CLCN3: variants seen among roughly 807,000 people sequenced by gnomAD.
The protein encoded by CLCN3 is H(+)/Cl(-) exchange transporter 3.
In CLCN3, 16 loss-of-function variants were observed where a neutral mutation model predicts 83.4. That is an observed-to-expected ratio of 0.19 (90% CI 0.13 to 0.29). CLCN3 has a LOEUF of 0.29. Ranked by LOEUF, CLCN3 falls within the 10% of genes least tolerant of loss-of-function variation. The pLI is 1.00. For synonymous variants in CLCN3, 322 were observed against 346.2 expected (o/e 0.93, Z 0.78); for missense variants, 544 against 1,006.0 (o/e 0.54, Z 6.21).
intron 11 of CLCN3, among the ~76,000 whole-genome samples, chr4:169,707,846 T>C (rs1733052843): frequency 1.3e-5 from 2 of 152,234 alleles, no homozygotes; most frequent in African/African-American, 4.8e-5. Context: ...ATGCAGACTT[T>C]CCTGAAAATA....
At position 169,697,178 on chromosome 4, in the gene CLCN3, C is replaced by A. The variant is rs1732597325; in HGVS notation, c.1018-11C>A. The A allele has an allele frequency of 2.0e-6, 3 of 1,529,196 alleles. No individual in the cohort carries two copies. Among genetic ancestry groups the A allele is most frequent in the Admixed American group, 2.2e-5 (1 of 44,454 alleles). 94.7% of individuals were successfully genotyped at this position (1,529,196 alleles called of 1,614,324 possible). ...TAGCATTAATTTTTCTTTTCCTTTTCTTTTTTTTAGGTTAGCTATTATTTT... is the reference window on the plus strand; with the variant it reads ...TAGCATTAATTTTTCTTTTCCTTTTATTTTTTTTAGGTTAGCTATTATTTT... On this transcript the variant is annotated splice_polypyrimidine_tract_variant and intron_variant, in intron 8 of 12. Transcript: ENST00000513761.
chr4:169,717,813 AAAG>A lies in CLCN3; in HGVS notation c.2367-2088_2367-2086del, dbSNP rs778267865. The stretch of plus-strand genomic sequence containing the variant: ...TCAGGATTGTCTTGGGGATCATCAC[AAAG>A]AAGAACATATTAGAGCATCTCGAGC... On this transcript the variant is annotated intron_variant, in intron 12 of 12. Coordinates refer to ENST00000513761, the MANE Select transcript of CLCN3 (RefSeq NM_001829.4). 6 of 1,612,746 alleles carry A rather than the reference AAAG, an allele frequency of 3.7e-6. No homozygotes were observed. The South Asian group carries it at 6.6e-5, about 18-fold the overall frequency.
chr4:169,641,542 G>T (rs901165830), intron 2 of CLCN3, among the ~76,000 whole-genome samples: 13 of 152,154 alleles, frequency 8.5e-5, no homozygotes, highest in African/African-American at 3.1e-4. Context: ...AGAGATTCCA[G>T]TATTTTCATT....
chr4:169,640,155 T>G (rs1300563342), intron 2 of CLCN3, among the ~76,000 whole-genome samples: 1 of 152,228 alleles, frequency 6.6e-6, no homozygotes, highest in African/African-American at 2.4e-5. Flanking sequence ...TAGCTGTTTC[T>G]GTTTTCTTCT....
chr4:169,660,426 C>A, intron 2 of CLCN3: 2 of 1,385,264 alleles, frequency 1.4e-6, no homozygotes, highest in Non-Finnish European at 1.9e-6. Context: ...ACAGTATTCC[C>A]CTGAGGGAAT....
At chr4:169,651,209 A>G (rs1428572487) in intron 2 of CLCN3, among the ~76,000 whole-genome samples, 1 of 152,158 alleles carries the variant, frequency 6.6e-6, no homozygotes, top group Non-Finnish European at 1.5e-5. Context: ...AAAGAAAGTT[A>G]ACTAAAATGA....
At chr4:169,682,612 GTTATGCATAGTTCC>G (rs1345691705) in intron 3 of CLCN3, among the ~76,000 whole-genome samples, 1 of 152,176 alleles carries the variant, frequency 6.6e-6, no homozygotes, top group Non-Finnish European at 1.5e-5. Flanking sequence ...GATGTGTGTA[GTTATGCATAGTTCC>G]TTATGCATGG....
intron 1 of CLCN3, among the ~76,000 whole-genome samples, chr4:169,633,383 G>A (rs1349137777): frequency 6.6e-6 from 1 of 152,152 alleles, no homozygotes; most frequent in African/African-American, 2.4e-5. Context: ...GTTTTGAAAT[G>A]ATTATAAGTA....
chr4:169,690,478 T>TG, intron 5 of CLCN3, 52 bp from the exon 6 acceptor site: 1 of 1,572,490 alleles, frequency 6.4e-7, no homozygotes, highest in Non-Finnish European at 8.7e-7. Flanking sequence ...AGCATTTGCA[T>TG]TAGAGGTGCA....
chr4:169,677,217 G>A (rs1246732594), intron 2 of CLCN3, among the ~76,000 whole-genome samples: 1 of 151,946 alleles, frequency 6.6e-6, no homozygotes, highest in Non-Finnish European at 1.5e-5. Flanking sequence ...CTGCTACACT[G>A]TAAAGTGCTA....
At chr4:169,687,621 A>G (rs1732213003) in intron 3 of CLCN3, 37 bp from the exon 4 acceptor site, 3 of 1,377,082 alleles carry the variant, frequency 2.2e-6, no homozygotes, top group African/African-American at 1.4e-5. Flanking sequence ...TTCTATTCAT[A>G]GTTGGAAAAA....
intron 2 of CLCN3, among the ~76,000 whole-genome samples, chr4:169,672,035 C>T (rs1731478384): frequency 6.6e-6 from 1 of 151,984 alleles, no homozygotes; most frequent in Non-Finnish European, 1.5e-5. Context: ...CACCGTGAAA[C>T]CCCGTCTCTA....
rs969444569 is a variant in CLCN3, at chr4:169,712,996, A to C, written c.2150-83A>C. 3.0e-6 allele frequency: 3 copies of C among 1,009,860 alleles called. No individual in the cohort carries two copies. The African/African-American group carries it at 4.9e-5, about 16-fold the overall frequency. 62.6% of individuals were successfully genotyped at this position (1,009,860 alleles called of 1,614,324 possible). On this transcript the variant is annotated intron_variant, in intron 11 of 12. Transcript: ENST00000513761. ...GGATCAGAAGTCATAGGATACATTA[A>C]TTTTTTTTATCTCTGAATAAACAGG...
chr4:169,639,811 C>T (rs1231740428), intron 2 of CLCN3, among the ~76,000 whole-genome samples: 1 of 152,106 alleles, frequency 6.6e-6, no homozygotes, highest in East Asian at 1.9e-4. Context: ...ATCTTTTTAG[C>T]ATACCAAAAA....
chr4:169,629,741 A>G (rs1660205002), intron 1 of CLCN3, among the ~76,000 whole-genome samples: 1 of 152,206 alleles, frequency 6.6e-6, no homozygotes, highest in Non-Finnish European at 1.5e-5. Context: ...ACCTCATGAC[A>G]CGTTCTACAA....
chr4:169,644,103 G>A (rs1184503745), intron 2 of CLCN3, among the ~76,000 whole-genome samples: 2 of 152,072 alleles, frequency 1.3e-5, no homozygotes, highest in Non-Finnish European at 2.9e-5. Context: ...TGTTCTGTTC[G>A]TTCTTTCTAC....
chr4:169,707,389 T>TA, intron 11 of CLCN3, 123 bp downstream of exon 11: 1 of 622,586 alleles, frequency 1.6e-6, no homozygotes, highest in Non-Finnish European at 2.6e-6. Context: ...TTATGTCCCT[T>TA]AAAATCTTCT....
chr4:169,629,893 G>C (rs1420047046), intron 1 of CLCN3, among the ~76,000 whole-genome samples: 1 of 152,186 alleles, frequency 6.6e-6, no homozygotes, highest in Non-Finnish European at 1.5e-5. Flanking sequence ...CTTACTAACT[G>C]CATGACTTTG....
At chr4:169,646,413 C>T (rs1476777118) in intron 2 of CLCN3, among the ~76,000 whole-genome samples, 3 of 151,988 alleles carry the variant, frequency 2.0e-5, no homozygotes, top group East Asian at 3.9e-4. Context: ...CTCAGCCTTC[C>T]GAGTAGCTGG....
Sources: gnomAD v4.1 joint callset for allele counts (sites outside exome capture counted in the v4.1 genomes callset) on GRCh38, gnomAD v4.1.1 for gene constraint, MANE v1.5 for transcripts, NCBI Gene and HGNC (gene_info 2026-07-23, HGNC 2026-07-21) for gene names.